Variants in PLD5 observed in about 807,000 individuals in gnomAD.
The protein encoded by PLD5 is phospholipase D family member 5.
PLD5 carries 36 observed loss-of-function variants against 61.1 expected under a neutral mutation model. The observed-to-expected ratio is 0.59, with a 90% CI of 0.45 to 0.78. The LOEUF (loss-of-function observed/expected upper bound fraction) is 0.78, where lower values mean the gene tolerates loss of function less well. Among genes scored for constraint, PLD5 ranks in the 30% least tolerant of loss-of-function variants. The pLI is 0.00. For synonymous variants in PLD5, 243 were observed against 242.8 expected, an observed-to-expected ratio of 1.00 and a Z score of -0.01; for missense variants, 515 against 644.4, an observed-to-expected ratio of 0.80 and a Z score of 2.17.
intron 1 of PLD5, among the ~76,000 whole-genome samples, chr1:242,503,729 A>G (rs79602046): frequency 0.017 from 2,655 of 152,228 alleles, 83 homozygotes; most frequent in African/African-American, 0.061. Context: ...GAAGCATTTC[A>G]CTGCTCTTAA....
At chr1:242,326,678 T>C (rs1391988379) in intron 2 of PLD5, among the ~76,000 whole-genome samples, 1 of 152,094 alleles carries the variant, frequency 6.6e-6, no homozygotes, top group Admixed American at 6.5e-5. Flanking sequence ...ATTAGCTTTT[T>C]CTTTCCATCT....
chr1:242,355,792 T>C (rs1306322574), intron 1 of PLD5, among the ~76,000 whole-genome samples: 1 of 152,176 alleles, frequency 6.6e-6, no homozygotes, highest in Non-Finnish European at 1.5e-5. Flanking sequence ...GTATGTTGTG[T>C]TTCCATTTTC....
At chr1:242,422,018 T>C (rs1665173238) in intron 1 of PLD5, among the ~76,000 whole-genome samples, 1 of 152,214 alleles carries the variant, frequency 6.6e-6, no homozygotes, top group South Asian at 2.1e-4. Flanking sequence ...TAAGAAATTA[T>C]CAGACATATT....
Position 242,237,688 on chromosome 1 carries a change from A to G in PLD5, c.608-17573T>C, listed in dbSNP as rs115280255. ...GTAACATTCTTATGGCTTTCTCCACATGGATGCCATGTAGGCCAGACCCCC... is the reference window on the plus strand; with the variant it reads ...GTAACATTCTTATGGCTTTCTCCACGTGGATGCCATGTAGGCCAGACCCCC... On this transcript the variant is annotated intron_variant, in intron 4 of 9. Transcript: ENST00000536534. Among the ~76,000 whole-genome samples, 1,297 of 152,268 alleles carry G rather than the reference A, an allele frequency of 8.5e-3. 18 individuals carry two copies. The highest frequency in any genetic ancestry group is 0.029 in the African/African-American group (1,217 of 41,540).
intron 2 of PLD5, among the ~76,000 whole-genome samples, chr1:242,342,205 T>C (rs1659874493): frequency 6.6e-5 from 10 of 152,296 alleles, no homozygotes; most frequent in Admixed American, 6.5e-4. Flanking sequence ...GCAACAAAAG[T>C]CCCTCTTCTA....
chr1:242,294,080 T>A lies in PLD5; in HGVS notation c.327-5550A>T, dbSNP rs574705618. Among the ~76,000 whole-genome samples the A allele has an allele frequency of 1.8e-4, 27 of 152,194 alleles. No individual in the cohort carries two copies. The East Asian group carries it at 5.2e-3, about 29-fold the overall frequency. On this transcript the variant is annotated intron_variant, in intron 2 of 9. Transcript: ENST00000536534. ...TCATTGAAATTCACCTTTGGGCAAA[T>A]CCCTGGAATACCTATTTGCCATCCA...
At chr1:242,199,763 G>A (rs867886721) in intron 5 of PLD5, among the ~76,000 whole-genome samples, 7 of 152,074 alleles carry the variant, frequency 4.6e-5, no homozygotes, top group Admixed American at 1.3e-4. Context: ...GAGAACATGC[G>A]GTGTTTGTCT....
chr1:242,352,019 T>C (rs1660505179), intron 1 of PLD5, among the ~76,000 whole-genome samples: 1 of 152,230 alleles, frequency 6.6e-6, no homozygotes, highest in African/African-American at 2.4e-5. Flanking sequence ...TCATAAGTTA[T>C]AAAACTGTCC....
At chr1:242,203,548 C>T (rs1405514362) in intron 5 of PLD5, 1 of 152,214 alleles carries the variant, frequency 6.6e-6, no homozygotes, top group East Asian at 1.9e-4. Flanking sequence ...TAGCACTATC[C>T]CCTCGGTGAA....
At chr1:242,520,280 G>A (rs1259835344) in intron 1 of PLD5, among the ~76,000 whole-genome samples, 1 of 152,192 alleles carries the variant, frequency 6.6e-6, no homozygotes, top group Admixed American at 6.5e-5. Flanking sequence ...GATGAGGATG[G>A]TCCCCAGCCA....
At chr1:242,309,388 CTT>C (rs368753685) in intron 2 of PLD5, among the ~76,000 whole-genome samples, 25,246 of 137,882 alleles carry the variant, frequency 0.18, 2,486 homozygotes, top group East Asian at 0.4. Context: ...GTTTTCTTTT[CTT>C]TTTTTTTTTT....
chr1:242,381,896 G>A (rs1662298885), intron 1 of PLD5, among the ~76,000 whole-genome samples: 1 of 152,072 alleles, frequency 6.6e-6, no homozygotes, highest in African/African-American at 2.4e-5. Context: ...ACTTGAGAAG[G>A]ACGAGAGTAG....
chr1:242,255,503 C>T (rs984277873), intron 4 of PLD5, among the ~76,000 whole-genome samples: 2 of 152,238 alleles, frequency 1.3e-5, no homozygotes, highest in African/African-American at 2.4e-5. Flanking sequence ...CTCTAAATGA[C>T]GAGTTAATGG....
At chr1:242,180,155 C>A (rs556812165) in intron 5 of PLD5, among the ~76,000 whole-genome samples, 1 of 152,198 alleles carries the variant, frequency 6.6e-6, no homozygotes, top group East Asian at 1.9e-4. Context: ...TGTCACCGAC[C>A]AGATGTAAGC....
intron 4 of PLD5, among the ~76,000 whole-genome samples, chr1:242,231,319 C>T (rs1252876993): frequency 1.3e-5 from 2 of 152,152 alleles, no homozygotes; most frequent in African/African-American, 4.8e-5. Flanking sequence ...CCGAGGCATC[C>T]GTTTTGGTGC....
At chr1:242,438,797 T>C (rs1169773458) in intron 1 of PLD5, among the ~76,000 whole-genome samples, 2 of 152,156 alleles carry the variant, frequency 1.3e-5, no homozygotes, top group Non-Finnish European at 2.9e-5. Context: ...CAGGGTGCTG[T>C]CCTAGGTTTC....
intron 1 of PLD5, among the ~76,000 whole-genome samples, chr1:242,372,895 T>C (rs1390124502): frequency 1.3e-5 from 2 of 152,288 alleles, no homozygotes; most frequent in South Asian, 4.2e-4. Context: ...AAGGACTTCA[T>C]GTCTAAAACA....
intron 3 of PLD5, among the ~76,000 whole-genome samples, chr1:242,274,270 T>C (rs1260736174): frequency 3.3e-5 from 5 of 152,210 alleles, no homozygotes; most frequent in Admixed American, 3.3e-4. Context: ...AAAAATTGGC[T>C]AGGTGCAGTG....
At chr1:242,387,336 T>C (rs1392960883) in intron 1 of PLD5, among the ~76,000 whole-genome samples, 1 of 152,160 alleles carries the variant, frequency 6.6e-6, no homozygotes, top group African/African-American at 2.4e-5. Flanking sequence ...TTCCCTGCCA[T>C]ATATCAAGAC....
Sources: gnomAD v4.1 joint callset for allele counts (sites outside exome capture counted in the v4.1 genomes callset) on GRCh38, gnomAD v4.1.1 for gene constraint, MANE v1.5 for transcripts, NCBI Gene and HGNC (gene_info 2026-07-23, HGNC 2026-07-21) for gene names.